Variants in EPS8 observed in about 807,000 individuals in gnomAD.
EPS8 encodes EGFR pathway substrate 8, signaling adaptor.
Under a neutral mutation model 103.8 loss-of-function variants are expected in EPS8, and 42 were observed. The observed-to-expected ratio is 0.40, with a 90% confidence interval of 0.32 to 0.52. The LOEUF is 0.52. EPS8 is among the 20% of genes least tolerant of loss of function. EPS8 has a pLI of 0.40. For synonymous variants in EPS8, 344 were observed against 344.6 expected (o/e 1.00, Z 0.02); for missense variants, 969 against 1,005.1 (o/e 0.96, Z 0.49).
In EPS8 at chr12:15,686,254, A is replaced by G. The variant is rs565463613; in HGVS notation, c.-21-3282T>C. Among the ~76,000 whole-genome samples the G allele has an allele frequency of 2.5e-4, 38 of 152,274 alleles. 1 individual carries two copies. In the South Asian group the frequency reaches 7.2e-3, roughly 29 times the overall value. On this transcript the variant is annotated intron_variant, in intron 1 of 20. Transcript: ENST00000281172. ...TTAAGTATTTTCTCTAGCTTACTTT[A>G]TTTTAGAATATATAATACATATACA...
intron 17 of EPS8, chr12:15,634,663 A>C (rs1177869354): frequency 5.0e-6 from 2 of 398,296 alleles, no homozygotes; most frequent in South Asian, 1.3e-4. Flanking sequence ...GAACATTTGG[A>C]GGGTGTTAAG....
chr12:15,722,012 A>G (rs1405158489), intron 1 of EPS8, among the ~76,000 whole-genome samples: 2 of 150,468 alleles, frequency 1.3e-5, no homozygotes, highest in Non-Finnish European at 3.0e-5. Flanking sequence ...GTCTGGTTTT[A>G]TAATCTTTTA....
At chr12:15,667,244 T>C (rs1178315559) in intron 6 of EPS8, among the ~76,000 whole-genome samples, 1 of 152,158 alleles carries the variant, frequency 6.6e-6, no homozygotes, top group Non-Finnish European at 1.5e-5. Context: ...TTTTCTCAAA[T>C]ATGTATGTTG....
chr12:15,752,507 G>C lies in EPS8; in HGVS notation c.-22+36654C>G, dbSNP rs1946943708. Among the ~76,000 whole-genome samples, 1 of 151,916 alleles carries C rather than the reference G, an allele frequency of 6.6e-6. No homozygotes were observed. Among genetic ancestry groups the C allele is most frequent in the Admixed American group, 6.6e-5 (1 of 15,250 alleles). ...TTCCCCTAAAGAGCTGGCCCCTCTAGCCTAAGTTGAGCCTTTTAGCAGGAG... is the reference window on the plus strand; with the variant it reads ...TTCCCCTAAAGAGCTGGCCCCTCTACCCTAAGTTGAGCCTTTTAGCAGGAG... On this transcript the variant is annotated intron_variant, in intron 1 of 20. Transcript: ENST00000281172. This position sits in a 1 kb window ranked among gnomAD's most constrained non-coding sequence, Gnocchi z 4.4.
chr12:15,691,675 G>A (rs1946174133), intron 1 of EPS8, among the ~76,000 whole-genome samples: 1 of 152,140 alleles, frequency 6.6e-6, no homozygotes, highest in Admixed American at 6.6e-5. Context: ...TGAGGGATGA[G>A]GTTGGAGATG....
At chr12:15,743,807 C>T (rs557179595) in intron 1 of EPS8, among the ~76,000 whole-genome samples, 13 of 152,200 alleles carry the variant, frequency 8.5e-5, no homozygotes, top group African/African-American at 3.1e-4. Context: ...CCATAAAAAC[C>T]CTAGAAGAAA....
At position 15,771,678 on chromosome 12, in the gene EPS8, T is replaced by C. The variant is rs1380048814; in HGVS notation, c.-22+17483A>G. The stretch of plus-strand genomic sequence containing the variant: ...CTAGAAATTCTCCGTAGGATTGCAC[T>C]GCACTCCAGCCTGGGTAACAGAACA... On this transcript the variant is annotated intron_variant, in intron 1 of 20. Transcript: ENST00000281172. The surrounding 1 kb of genome is among the most constrained non-coding windows in gnomAD (Gnocchi z 4.6). Among the ~76,000 whole-genome samples the C allele has an allele frequency of 2.0e-5, 3 of 151,602 alleles. No individual in the cohort carries two copies. The highest frequency in any genetic ancestry group is 7.3e-5 in the African/African-American group (3 of 41,244).
intron 10 of EPS8, among the ~76,000 whole-genome samples, 157 bp from the exon 11 acceptor site, chr12:15,658,742 C>G (rs2135809702): frequency 6.6e-6 from 1 of 152,254 alleles, no homozygotes; most frequent in Non-Finnish European, 1.5e-5. Context: ...CTGTAACAAA[C>G]TGAGAAGATA....
chr12:15,662,899 T>C (rs368591492), intron 8 of EPS8, among the ~76,000 whole-genome samples: 3 of 151,580 alleles, frequency 2.0e-5, no homozygotes, highest in South Asian at 2.1e-4. Flanking sequence ...TCATCGTGAC[T>C]CATGATGTTC....
At chr12:15,712,024 C>T (rs1473530614) in intron 1 of EPS8, among the ~76,000 whole-genome samples, 1 of 151,874 alleles carries the variant, frequency 6.6e-6, no homozygotes, top group Non-Finnish European at 1.5e-5. Flanking sequence ...AGAATAATAA[C>T]AAAAAAGTTC....
chr12:15,688,680 C>T lies in EPS8; in HGVS notation c.-21-5708G>A, dbSNP rs990657396. On this transcript the variant is annotated intron_variant, in intron 1 of 20. Coordinates refer to ENST00000281172, the MANE Select transcript of EPS8 (RefSeq NM_004447.6). This position sits in a 1 kb window ranked among gnomAD's most constrained non-coding sequence, Gnocchi z 5.1. The stretch of plus-strand genomic sequence containing the variant: ...GGACTCCAGGGGAAAACCATTCTCC[C>T]TTGTGGCTCCCCCATCTGCTGAGAG... Among the ~76,000 whole-genome samples, 3 of 152,074 alleles carry T rather than the reference C, an allele frequency of 2.0e-5. No individual in the cohort carries two copies. The highest frequency in any genetic ancestry group is 7.2e-5 in the African/African-American group (3 of 41,400).
chr12:15,631,593 A>G lies in EPS8; in HGVS notation c.1893T>C (p.Ala631=). Residue 631 remains alanine, a synonymous_variant, in exon 18 of 21, where the codon GCT becomes GCC. Coordinates refer to ENST00000281172, the MANE Select transcript of EPS8 (RefSeq NM_004447.6). The stretch of plus-strand genomic sequence containing the variant: ...AAGGGGGAAGGGGAACAGGAACAGG[A>G]GCTGGTGTTGGAGGAGGTGATGGAG... ...PPAPSPPPTP[A]PVPVPLPPST... The G allele has an allele frequency of 6.2e-7, 1 of 1,614,022 alleles. No individual in the cohort carries two copies. The highest frequency in any genetic ancestry group is 8.5e-7 in the Non-Finnish European group (1 of 1,179,972).
intron 8 of EPS8, among the ~76,000 whole-genome samples, chr12:15,663,910 C>A (rs1417089950): frequency 1.9e-4 from 12 of 64,042 alleles, no homozygotes; most frequent in Non-Finnish European, 8.9e-5. Flanking sequence ...GACAGAGCAA[C>A]ACTCCATCTC....
intron 14 of EPS8, among the ~76,000 whole-genome samples, chr12:15,650,240 C>T (rs1488071902): frequency 6.6e-6 from 1 of 152,108 alleles, no homozygotes. Flanking sequence ...GACTAGAGTG[C>T]AGAAGAACTT....
chr12:15,753,425 G>C (rs1390983280), intron 1 of EPS8, among the ~76,000 whole-genome samples: 1 of 152,070 alleles, frequency 6.6e-6, no homozygotes, highest in Non-Finnish European at 1.5e-5. Context: ...TACTACAGTT[G>C]AGACTGGACA....
At chr12:15,675,354 A>G (rs1406217134) in intron 3 of EPS8, among the ~76,000 whole-genome samples, 2 of 152,236 alleles carry the variant, frequency 1.3e-5, no homozygotes, top group African/African-American at 4.8e-5. Flanking sequence ...TAATCCCAGT[A>G]CTTGGGAGGC....
rs2135807622 is a variant in EPS8 at position 15,658,148 on chromosome 12, T to C, written c.1032A>G (p.Lys344=). 3 of 1,609,464 alleles carry C rather than the reference T, an allele frequency of 1.9e-6. No homozygotes were observed. In the East Asian group the frequency reaches 6.7e-5, roughly 36 times the overall value. Residue 344 remains lysine, a synonymous_variant, in exon 12 of 21, where the codon AAA becomes AAG. Transcript: ENST00000281172. ...TAGGATTCTGAATATGAGACTTCAG[T>C]TTGGCCTGCAACATGAAGAAAACAG... ...KFKHGFNLLA[K]LKSHIQNPSA...
Position 15,658,601 on chromosome 12 carries a change from AGAG to A in EPS8, c.938-19_938-17del. 1 of 1,557,408 alleles carries A rather than the reference AGAG, an allele frequency of 6.4e-7. No homozygotes were observed. The highest frequency in any genetic ancestry group is 8.9e-7 in the Non-Finnish European group (1 of 1,129,458). On this transcript the variant is annotated splice_polypyrimidine_tract_variant and intron_variant, in intron 10 of 20. Transcript: ENST00000281172. Reference sequence around the variant, plus strand: ...AAAACACCCTCTAATGAAATAAGCGAGAGGAGAGGATCAGAGCAAAATCCAAGG... The same window carrying A: ...AAAACACCCTCTAATGAAATAAGCGAGAGAGGATCAGAGCAAAATCCAAGG...
intron 1 of EPS8, among the ~76,000 whole-genome samples, chr12:15,773,882 G>A (rs1947180551): frequency 6.6e-6 from 1 of 152,106 alleles, no homozygotes; most frequent in East Asian, 1.9e-4. Flanking sequence ...CATTTTTGCA[G>A]TAGCAATTTA....
Sources: allele counts gnomAD v4.1 joint callset (sites outside exome capture counted in the v4.1 genomes callset), GRCh38; gene constraint gnomAD v4.1.1; non-coding constraint Gnocchi (gnomAD v3.1); transcripts MANE v1.5; gene names NCBI Gene and HGNC (gene_info 2026-07-23, HGNC 2026-07-21).